TTC17: variants seen among roughly 807,000 people sequenced by gnomAD.
TTC17 encodes the protein tetratricopeptide repeat protein 17.
A neutral mutation model predicts 143.8 loss-of-function variants in TTC17; 58 were observed. That is an observed-to-expected ratio of 0.40 (90% confidence interval 0.33 to 0.50). The LOEUF (loss-of-function observed/expected upper bound fraction) is 0.50. Among genes scored for constraint, TTC17 ranks in the 20% least tolerant of loss-of-function variants. The pLI is 0.49. For synonymous variants in TTC17, 501 were observed against 497.8 expected, an observed-to-expected ratio of 1.01 and a Z score of -0.09; for missense variants, 1,273 against 1,392.5, an observed-to-expected ratio of 0.91 and a Z score of 1.37.
At chr11:43,402,762 G>T (rs74545163) in intron 10 of TTC17, among the ~76,000 whole-genome samples, 13,194 of 152,094 alleles carry the variant, frequency 0.087, 890 homozygotes, top group Admixed American at 0.23. Flanking sequence ...TCAGAAAACT[G>T]ATACTCAACC....
intron 21 of TTC17, among the ~76,000 whole-genome samples, chr11:43,483,865 G>C (rs559392048): frequency 1.3e-5 from 2 of 152,148 alleles, no homozygotes; most frequent in Non-Finnish European, 2.9e-5. Context: ...AATTAGGCTG[G>C]GCGCAGTGGC....
At chr11:43,419,982 C>G (rs1461678533) in intron 16 of TTC17, among the ~76,000 whole-genome samples, 1 of 152,164 alleles carries the variant, frequency 6.6e-6, no homozygotes, top group East Asian at 1.9e-4. Context: ...TGCAACAAAA[C>G]CAGATGTACT....
At chr11:43,382,386 T>C (rs955505127) in intron 2 of TTC17, among the ~76,000 whole-genome samples, 4 of 152,186 alleles carry the variant, frequency 2.6e-5, no homozygotes, top group Non-Finnish European at 5.9e-5. Flanking sequence ...TATTTACTTA[T>C]TGGGCTCTCT....
At chr11:43,412,050 C>A (rs376464508) in intron 15 of TTC17, among the ~76,000 whole-genome samples, 1 of 152,190 alleles carries the variant, frequency 6.6e-6, no homozygotes, top group East Asian at 1.9e-4. Flanking sequence ...ATATGGTTTG[C>A]ACACAAGCAA....
chr11:43,430,642 C>A (rs183681282), intron 16 of TTC17, among the ~76,000 whole-genome samples: 2 of 150,664 alleles, frequency 1.3e-5, no homozygotes, highest in African/African-American at 4.9e-5. Flanking sequence ...CTGAATTAAT[C>A]GCTGCTTTCT....
At chr11:43,397,301 G>T (rs1211556528) in intron 6 of TTC17, 46 bp from the exon 7 acceptor site, 16 of 1,556,452 alleles carry the variant, frequency 1.0e-5, no homozygotes, top group Middle Eastern at 1.7e-4. Flanking sequence ...ATTTTTCCTT[G>T]TCAAGTGGTT....
intron 21 of TTC17, among the ~76,000 whole-genome samples, chr11:43,473,992 T>C (rs527928018): frequency 6.6e-6 from 1 of 152,310 alleles, no homozygotes; most frequent in Admixed American, 6.5e-5. Context: ...GCAATTCTAC[T>C]TTTAGTAACT....
chr11:43,462,618 T>G (rs898355663), intron 21 of TTC17, among the ~76,000 whole-genome samples: 1 of 152,202 alleles, frequency 6.6e-6, no homozygotes, highest in African/African-American at 2.4e-5. Flanking sequence ...GAATAGATTT[T>G]TATTGTTTTA....
At chr11:43,447,158 C>T (rs1355583770) in intron 18 of TTC17, among the ~76,000 whole-genome samples, 1 of 151,942 alleles carries the variant, frequency 6.6e-6, no homozygotes, top group African/African-American at 2.4e-5. Flanking sequence ...GCACTCTAGC[C>T]TGGGCAAGAA....
At chr11:43,408,702 A>G (rs1443422965) in intron 15 of TTC17, among the ~76,000 whole-genome samples, 1 of 152,222 alleles carries the variant, frequency 6.6e-6, no homozygotes, top group Non-Finnish European at 1.5e-5. Context: ...ATAAGAATAA[A>G]AAGATAAATT....
At chr11:43,428,324 TC>T (rs1947076144) in intron 16 of TTC17, among the ~76,000 whole-genome samples, 1 of 152,222 alleles carries the variant, frequency 6.6e-6, no homozygotes, top group African/African-American at 2.4e-5. Context: ...AATAGCTATG[TC>T]AGTTAATTTT....
intron 21 of TTC17, among the ~76,000 whole-genome samples, chr11:43,465,043 G>C (rs1320890874): frequency 6.6e-6 from 1 of 152,188 alleles, no homozygotes; most frequent in East Asian, 1.9e-4. Flanking sequence ...GTGACTGTCT[G>C]GGGATTTCAT....
At chr11:43,404,337 G>A (rs935130088) in intron 11 of TTC17, among the ~76,000 whole-genome samples, 193 bp downstream of exon 11, 31 of 152,302 alleles carry the variant, frequency 2.0e-4, no homozygotes, top group African/African-American at 7.2e-4. Context: ...TCTGCCTTGA[G>A]TTTTTCCCAG....
chr11:43,426,391 T>A (rs1947028308), intron 16 of TTC17, among the ~76,000 whole-genome samples: 1 of 152,246 alleles, frequency 6.6e-6, no homozygotes, highest in Non-Finnish European at 1.5e-5. Flanking sequence ...AATATCATCA[T>A]GTGCTTTTCA....
chr11:43,492,170 TGGG>T lies in TTC17; in HGVS notation c.3294+10_3294+12del, dbSNP rs780230196. On this transcript the variant is annotated splice_region_variant and intron_variant, in intron 23 of 23. Transcript: ENST00000039989. ...CAATGTCTACGTGGCAATGGTGAGA[TGGG>T]GGTGTGAGCAGTATGTACCAACTCT... is the stretch of plus-strand genomic sequence containing the variant. 1 of 1,613,942 alleles carries T rather than the reference TGGG, an allele frequency of 6.2e-7. No homozygotes were observed. Among genetic ancestry groups the T allele is most frequent in the South Asian group, 1.1e-5 (1 of 91,052 alleles).
chr11:43,394,822 G>A (rs1055117325), intron 5 of TTC17, among the ~76,000 whole-genome samples: 19 of 152,020 alleles, frequency 1.2e-4, no homozygotes, highest in African/African-American at 4.4e-4. Context: ...TGACTCCTGG[G>A]TGCCTCCCAC....
chr11:43,414,716 T>C lies in TTC17; in HGVS notation c.2191T>C (p.Leu731=), dbSNP rs758499676. 4 of 1,613,696 alleles carry C rather than the reference T, an allele frequency of 2.5e-6. No individual in the cohort carries two copies. Among genetic ancestry groups the C allele is most frequent in the Non-Finnish European group, 3.4e-6 (4 of 1,179,812 alleles). Residue 731 remains leucine, a synonymous_variant, in exon 16 of 24, where the codon TTG becomes CTG. Transcript: ENST00000039989. ...TCCAGAGTGTGAAAACAGCCTGAAG[T>C]TGATCCGCTGTATGCAGTTTTATCC... is the stretch of plus-strand genomic sequence containing the variant. The part of the protein sequence containing the change: ...KCPECENSLK[L]IRCMQFYPFL...
intron 21 of TTC17, among the ~76,000 whole-genome samples, chr11:43,475,905 AT>A (rs1426044643): frequency 2.6e-5 from 4 of 152,198 alleles, no homozygotes; most frequent in African/African-American, 4.8e-5. Flanking sequence ...GAGAACTAGA[AT>A]TTTTGGTAGA....
chr11:43,439,802 C>G (rs1390235803), intron 16 of TTC17, among the ~76,000 whole-genome samples: 1 of 152,080 alleles, frequency 6.6e-6, no homozygotes, highest in Admixed American at 6.6e-5. Context: ...TTCTCCTAGT[C>G]CCTGTGATTC....
Sources: gnomAD v4.1 joint callset for allele counts (sites outside exome capture counted in the v4.1 genomes callset) on GRCh38, gnomAD v4.1.1 for gene constraint, MANE v1.5 for transcripts, NCBI Gene and HGNC (gene_info 2026-07-23, HGNC 2026-07-21) for gene names.